PDLIM5: variants seen among roughly 807,000 people sequenced by gnomAD.
The protein encoded by PDLIM5 is PDZ and LIM domain 5.
In PDLIM5, 34 loss-of-function variants were observed where a neutral mutation model predicts 64.2. The ratio of observed to expected loss-of-function variants is 0.53; its 90% CI spans 0.40 to 0.71. The LOEUF (loss-of-function observed/expected upper bound fraction) is 0.71, where lower values mean the gene tolerates loss of function less well. Ranked by LOEUF, PDLIM5 falls within the 30% of genes least tolerant of loss-of-function variation. PDLIM5 has a pLI of 0.00. For synonymous variants in PDLIM5, 253 were observed against 269.1 expected, an observed-to-expected ratio of 0.94 and a Z score of 0.59; for missense variants, 683 against 733.6, an observed-to-expected ratio of 0.93 and a Z score of 0.80.
chr4:94,558,056 C>A (rs1339296294), intron 3 of PDLIM5, among the ~76,000 whole-genome samples: 1 of 152,110 alleles, frequency 6.6e-6, no homozygotes, highest in African/African-American at 2.4e-5. Context: ...TCATAAGTAG[C>A]TCTTATTATT....
In PDLIM5 at chr4:94,513,480, T is replaced by C. The variant is rs376716452; in HGVS notation, c.97-10244T>C. ...TAATTCTGAGGTACTTAATTTAATT[T>C]GTGGCTGTTGTAAATGGGATTACTT... On this transcript the variant is annotated intron_variant, in intron 2 of 12. Transcript: ENST00000317968. 2.6e-5 allele frequency among the ~76,000 whole-genome samples: 4 copies of C among 152,194 alleles called. No individual in the cohort carries two copies. The East Asian group carries it at 5.8e-4, about 22-fold the overall frequency.
At chr4:94,662,364 G>A (rs939100622) in intron 11 of PDLIM5, 58 bp from the exon 12 acceptor site, 2 of 794,242 alleles carry the variant, frequency 2.5e-6, no homozygotes, top group Non-Finnish European at 4.4e-6. Flanking sequence ...TTCTAGGAAC[G>A]ATCATTCTAA....
chr4:94,463,236 A>G (rs192561738), intron 2 of PDLIM5, among the ~76,000 whole-genome samples: 23 of 152,324 alleles, frequency 1.5e-4, no homozygotes, highest in Admixed American at 1.5e-3. Context: ...CTGATATACA[A>G]TCAACCCTTG....
intron 10 of PDLIM5, among the ~76,000 whole-genome samples, chr4:94,655,220 G>A (rs1394847310): frequency 6.6e-6 from 1 of 151,140 alleles, no homozygotes; most frequent in African/African-American, 2.5e-5. Context: ...TGCAAAAAAA[G>A]GAGTAATTTA....
intron 3 of PDLIM5, among the ~76,000 whole-genome samples, chr4:94,549,001 A>G (rs761093259): frequency 1.0e-4 from 13 of 124,804 alleles, no homozygotes; most frequent in African/African-American, 1.5e-4. Context: ...AAAAGGCCTT[A>G]TAAGGTACTC....
chr4:94,538,175 G>A (rs1181669122), intron 3 of PDLIM5, among the ~76,000 whole-genome samples: 2 of 152,018 alleles, frequency 1.3e-5, no homozygotes, highest in Non-Finnish European at 2.9e-5. Flanking sequence ...TACCTCATTC[G>A]TTTCCTTAGC....
At chr4:94,562,413 A>G (rs1426720488) in intron 3 of PDLIM5, among the ~76,000 whole-genome samples, 1 of 152,208 alleles carries the variant, frequency 6.6e-6, no homozygotes, top group Non-Finnish European at 1.5e-5. Flanking sequence ...TGTATTTCTG[A>G]TACCCACTGT....
intron 7 of PDLIM5, among the ~76,000 whole-genome samples, chr4:94,594,612 C>T (rs541536256): frequency 9.9e-5 from 15 of 151,972 alleles, no homozygotes; most frequent in Non-Finnish European, 1.9e-4. Context: ...CACACACACA[C>T]ACATTTATGC....
At chr4:94,502,598 C>G (rs187344828) in intron 2 of PDLIM5, among the ~76,000 whole-genome samples, 1 of 152,078 alleles carries the variant, frequency 6.6e-6, no homozygotes, top group Admixed American at 6.6e-5. Flanking sequence ...AAGTTAAGGC[C>G]GGGCGCAGTG....
At chr4:94,515,181 A>C (rs1372236443) in intron 2 of PDLIM5, among the ~76,000 whole-genome samples, 1 of 152,266 alleles carries the variant, frequency 6.6e-6, no homozygotes, top group East Asian at 1.9e-4. Flanking sequence ...TGTATTATGG[A>C]GAGTTGGGTA....
rs1237976184 is a variant in PDLIM5, at chr4:94,640,647, G to A, written c.1283+197G>A. Among the ~76,000 whole-genome samples, 38 of 152,060 alleles carry A rather than the reference G, an allele frequency of 2.5e-4. 1 individual carries two copies. Among genetic ancestry groups the A allele is most frequent in the Admixed American group, 2.5e-3 (38 of 15,276 alleles). ...TTAATGAAAGGTAATACGGAGGTCTGTGAAAATAAAAGTACTAATTGCGTT... is the reference window on the plus strand; with the variant it reads ...TTAATGAAAGGTAATACGGAGGTCTATGAAAATAAAAGTACTAATTGCGTT... On this transcript the variant is annotated intron_variant, in intron 9 of 12. Coordinates refer to ENST00000317968, the MANE Select transcript of PDLIM5 (RefSeq NM_006457.5).
intron 11 of PDLIM5, among the ~76,000 whole-genome samples, chr4:94,661,630 G>A (rs1742727464): frequency 1.3e-5 from 2 of 152,168 alleles, no homozygotes; most frequent in Non-Finnish European, 2.9e-5. Flanking sequence ...CTCAGTCATA[G>A]CACTTATTCA....
At chr4:94,586,955 CTCTT>C (rs2110318324) in intron 7 of PDLIM5, 1 of 1,161,352 alleles carries the variant, frequency 8.6e-7, no homozygotes, top group Non-Finnish European at 1.2e-6. Flanking sequence ...TCTTCTATCA[CTCTT>C]TTTTTTTTTT....
intron 9 of PDLIM5, among the ~76,000 whole-genome samples, chr4:94,650,317 G>T (rs528446721): frequency 6.6e-6 from 1 of 152,180 alleles, no homozygotes; most frequent in South Asian, 2.1e-4. Context: ...CTTTGCTCAC[G>T]CCAGGCCCTT....
intron 2 of PDLIM5, among the ~76,000 whole-genome samples, chr4:94,511,445 C>T (rs920903558): frequency 2.6e-5 from 4 of 152,070 alleles, no homozygotes; most frequent in Admixed American, 1.3e-4. Context: ...TCCCCTGAAG[C>T]ATTTATCCTT....
At chr4:94,523,067 C>T (rs1312205746) in intron 2 of PDLIM5, among the ~76,000 whole-genome samples, 1 of 152,092 alleles carries the variant, frequency 6.6e-6, no homozygotes, top group Non-Finnish European at 1.5e-5. Flanking sequence ...TTTTATTGAG[C>T]AGGGGAAGAA....
intron 11 of PDLIM5, among the ~76,000 whole-genome samples, chr4:94,657,857 C>T (rs925172496): frequency 3.3e-5 from 5 of 152,096 alleles, no homozygotes; most frequent in African/African-American, 1.2e-4. Flanking sequence ...CAGGCATGTG[C>T]CACCATGCTC....
At chr4:94,625,799 C>T (rs1463393759) in intron 8 of PDLIM5, among the ~76,000 whole-genome samples, 1 of 152,114 alleles carries the variant, frequency 6.6e-6, no homozygotes. Flanking sequence ...GAACAGATAA[C>T]AGTTTCTCTA....
At chr4:94,476,575 G>C (rs76870250) in intron 2 of PDLIM5, among the ~76,000 whole-genome samples, 1 of 152,142 alleles carries the variant, frequency 6.6e-6, no homozygotes, top group African/African-American at 2.4e-5. Flanking sequence ...CATTCTTTAT[G>C]TAACAGTACA....
Sources: allele counts gnomAD v4.1 joint callset (sites outside exome capture counted in the v4.1 genomes callset), GRCh38; gene constraint gnomAD v4.1.1; transcripts MANE v1.5; gene names NCBI Gene and HGNC (gene_info 2026-07-23, HGNC 2026-07-21).